PTPRD: variants seen among roughly 807,000 people sequenced by gnomAD.
The protein encoded by PTPRD is receptor-type tyrosine-protein phosphatase delta.
In PTPRD, 34 loss-of-function variants were observed where a neutral mutation model predicts 214.5. That is an observed-to-expected ratio of 0.16 (90% CI 0.12 to 0.21). The LOEUF (loss-of-function observed/expected upper bound fraction) is 0.21, where lower values mean the gene tolerates loss of function less well. PTPRD is among the 10% of genes least tolerant of loss of function. The pLI is 1.00. For synonymous variants in PTPRD, 1,128 were observed against 845.7 expected, an observed-to-expected ratio of 1.33 and a Z score of -5.79; for missense variants, 2,545 against 2,398.7, an observed-to-expected ratio of 1.06 and a Z score of -1.27.
At chr9:9,359,338 C>T (rs1245635900) in intron 9 of PTPRD, among the ~76,000 whole-genome samples, 4 of 151,260 alleles carry the variant, frequency 2.6e-5, no homozygotes, top group African/African-American at 7.3e-5. Flanking sequence ...GGAAAGGACA[C>T]TTCGGGGACT....
intron 9 of PTPRD, among the ~76,000 whole-genome samples, chr9:9,191,527 T>C (rs2099935170): frequency 6.6e-6 from 1 of 152,152 alleles, no homozygotes; most frequent in South Asian, 2.1e-4. Flanking sequence ...GGATAATTTG[T>C]AATGCAGCAA....
chr9:9,679,376 A>G (rs1449011795), intron 7 of PTPRD, among the ~76,000 whole-genome samples: 1 of 151,890 alleles, frequency 6.6e-6, no homozygotes, highest in Non-Finnish European at 1.5e-5. Context: ...TATATAGTCA[A>G]TCAATCCATA....
intron 10 of PTPRD, among the ~76,000 whole-genome samples, chr9:9,088,605 AAAAAG>A (rs1468359650): frequency 6.6e-4 from 98 of 148,966 alleles, no homozygotes; most frequent in African/African-American, 2.3e-3. Flanking sequence ...AAAAAAAAAA[AAAAAG>A]AAGTCTGGCT....
At chr9:9,067,664 T>C (rs1001125320) in intron 10 of PTPRD, among the ~76,000 whole-genome samples, 3 of 152,214 alleles carry the variant, frequency 2.0e-5, no homozygotes, top group African/African-American at 4.8e-5. Context: ...ATAATATAGA[T>C]TTGCATATGG....
At chr9:8,503,410 TAACTC>T (rs1169700862) in intron 23 of PTPRD, among the ~76,000 whole-genome samples, 35 of 152,000 alleles carry the variant, frequency 2.3e-4, no homozygotes, top group African/African-American at 7.5e-4. Context: ...TCTAAGAAAA[TAACTC>T]AACAAAACTC....
intron 4 of PTPRD, among the ~76,000 whole-genome samples, chr9:9,965,726 G>T (rs756462905): frequency 1.3e-5 from 2 of 152,158 alleles, no homozygotes; most frequent in Non-Finnish European, 2.9e-5. Context: ...GGTAAGTGTT[G>T]TAAGCCCCTC....
intron 3 of PTPRD, among the ~76,000 whole-genome samples, chr9:10,053,305 C>T (rs2097566490): frequency 6.6e-6 from 1 of 152,116 alleles, no homozygotes; most frequent in Admixed American, 6.6e-5. Context: ...AGCCCAATGC[C>T]TTATTTCTGC....
At chr9:8,906,579 A>C (rs2098709405) in intron 11 of PTPRD, among the ~76,000 whole-genome samples, 1 of 152,206 alleles carries the variant, frequency 6.6e-6, no homozygotes. Context: ...CAAAAATGTA[A>C]AAAGTAACCA....
At chr9:10,048,748 G>A (rs571348590) in intron 3 of PTPRD, among the ~76,000 whole-genome samples, 3 of 152,018 alleles carry the variant, frequency 2.0e-5, no homozygotes, top group East Asian at 1.9e-4. Flanking sequence ...GAAAACTAAC[G>A]TTGACCATCA....
intron 35 of PTPRD, among the ~76,000 whole-genome samples, chr9:8,417,561 T>A (rs2094033003): frequency 6.6e-6 from 1 of 152,210 alleles, no homozygotes; most frequent in Non-Finnish European, 1.5e-5. Flanking sequence ...TTCTGAAAGC[T>A]TGTCTTCAAT....
intron 3 of PTPRD, among the ~76,000 whole-genome samples, chr9:10,262,346 A>G (rs1444132755): frequency 6.6e-6 from 1 of 152,202 alleles, no homozygotes; most frequent in East Asian, 1.9e-4. Flanking sequence ...AATACCTTAC[A>G]GAGTGCATCT....
chr9:9,467,785 T>C (rs2094317017), intron 8 of PTPRD, among the ~76,000 whole-genome samples: 1 of 152,202 alleles, frequency 6.6e-6, no homozygotes, highest in African/African-American at 2.4e-5. Context: ...TCACATAGTA[T>C]ATTTTTCCTT....
chr9:9,022,391 A>AT (rs1229543494), intron 10 of PTPRD, among the ~76,000 whole-genome samples: 1 of 151,902 alleles, frequency 6.6e-6, no homozygotes, highest in Non-Finnish European at 1.5e-5. Context: ...CAGGTGTACT[A>AT]TTTTTTATCT....
At chr9:9,403,863 G>A (rs2072034649) in intron 8 of PTPRD, among the ~76,000 whole-genome samples, 1 of 152,096 alleles carries the variant, frequency 6.6e-6, no homozygotes, top group South Asian at 2.1e-4. Context: ...ACAAATAAAG[G>A]AATAAGATAA....
chr9:8,616,370 T>C (rs143563242), intron 14 of PTPRD, among the ~76,000 whole-genome samples: 211 of 152,264 alleles, frequency 1.4e-3, no homozygotes, highest in African/African-American at 4.9e-3. Flanking sequence ...ATGGTCTTCA[T>C]AACTTCATTT....
intron 4 of PTPRD, among the ~76,000 whole-genome samples, chr9:9,960,174 A>G: frequency 6.6e-6 from 1 of 151,972 alleles, no homozygotes; most frequent in Non-Finnish European, 1.5e-5. Context: ...ATATTCAAAA[A>G]ATTTTAAAAA....
At chr9:10,190,507 C>G (rs150702658) in intron 3 of PTPRD, among the ~76,000 whole-genome samples, 2,200 of 147,904 alleles carry the variant, frequency 0.015, 56 homozygotes, top group African/African-American at 0.052. Flanking sequence ...CACCTGAGGT[C>G]AGGAGTTCAA....
chr9:10,104,349 T>TA (rs1040922428), intron 3 of PTPRD, among the ~76,000 whole-genome samples: 1 of 151,652 alleles, frequency 6.6e-6, no homozygotes, highest in Non-Finnish European at 1.5e-5. Context: ...ATTTTATAAT[T>TA]AAAAAAAGAA....
At chr9:8,964,649 C>A (rs1335264895) in intron 11 of PTPRD, among the ~76,000 whole-genome samples, 1 of 151,900 alleles carries the variant, frequency 6.6e-6, no homozygotes, top group Non-Finnish European at 1.5e-5. Context: ...GATGCTGAAT[C>A]ATTAATTTGA....
Sources: allele counts gnomAD v4.1 joint callset (sites outside exome capture counted in the v4.1 genomes callset), GRCh38; gene constraint gnomAD v4.1.1; transcripts MANE v1.5; gene names NCBI Gene and HGNC (gene_info 2026-07-23, HGNC 2026-07-21).